The following TP63 variants were observed in gnomAD, a reference collection of about 807,000 sequenced individuals.
TP63 encodes tumor protein p63.
In TP63, 17 loss-of-function variants were observed where a neutral mutation model predicts 82.8. That is an observed-to-expected ratio of 0.21 (90% confidence interval 0.14 to 0.31). TP63 has a LOEUF of 0.31. TP63 is among the 10% of genes least tolerant of loss of function. TP63 has a pLI of 1.00. For synonymous variants in TP63, 330 were observed against 321.7 expected, an observed-to-expected ratio of 1.03 and a Z score of -0.28; for missense variants, 648 against 895.3, an observed-to-expected ratio of 0.72 and a Z score of 3.52.
At chr3:189,823,946 A>G (rs1037548058) in intron 4 of TP63, among the ~76,000 whole-genome samples, 1 of 152,256 alleles carries the variant, frequency 6.6e-6, no homozygotes, top group East Asian at 1.9e-4. Flanking sequence ...TGGTTCAGTG[A>G]GATAACTCTT....
At chr3:189,785,314 A>G (rs1724513687) in intron 3 of TP63, among the ~76,000 whole-genome samples, 1 of 152,054 alleles carries the variant, frequency 6.6e-6, no homozygotes, top group African/African-American at 2.4e-5. Context: ...AGAATTATAG[A>G]ACTGTTTAAT....
chr3:189,620,992 G>A, the TP63 span, among the ~76,000 whole-genome samples: 1 of 152,118 alleles, frequency 6.6e-6, no homozygotes, highest in Non-Finnish European at 1.5e-5. Flanking sequence ...GAAAGAAAAT[G>A]GCTTTCACCT....
chr3:189,654,480 G>A (rs1713160963), intron 1 of TP63, among the ~76,000 whole-genome samples: 1 of 152,066 alleles, frequency 6.6e-6, no homozygotes, highest in Admixed American at 6.5e-5. Context: ...TTTTACTAAG[G>A]AGTAAAAAAT....
At chr3:189,856,134 A>C (rs1716264768) in intron 4 of TP63, among the ~76,000 whole-genome samples, 1 of 151,824 alleles carries the variant, frequency 6.6e-6, no homozygotes, top group Non-Finnish European at 1.5e-5. Flanking sequence ...ACATAGAGAT[A>C]TAAGGTAACC....
At chr3:189,817,686 A>T (rs1229501763) in intron 4 of TP63, among the ~76,000 whole-genome samples, 4 of 152,114 alleles carry the variant, frequency 2.6e-5, no homozygotes, top group Non-Finnish European at 4.4e-5. Flanking sequence ...ATAAAATAAC[A>T]TAAATATATA....
intron 4 of TP63, among the ~76,000 whole-genome samples, chr3:189,843,612 TCTGC>T (rs575687889): frequency 2.0e-5 from 3 of 152,340 alleles, no homozygotes; most frequent in African/African-American, 7.2e-5. Flanking sequence ...GGGATCTGCG[TCTGC>T]CTGATCATTG....
At chr3:189,771,333 A>ATATATTATATATTTATATATAG (rs1491284526) in intron 3 of TP63, among the ~76,000 whole-genome samples, 1 of 123,552 alleles carries the variant, frequency 8.1e-6, no homozygotes, top group Admixed American at 8.5e-5. Flanking sequence ...TTTATATATA[A>ATATATTATATATTTATATATAG]TATATATTTA....
intron 1 of TP63, among the ~76,000 whole-genome samples, chr3:189,719,314 A>C (rs573021319): frequency 6.6e-6 from 1 of 152,306 alleles, no homozygotes; most frequent in South Asian, 2.1e-4. Flanking sequence ...ACTTGTCCTT[A>C]GTTATAAGCT....
chr3:189,754,961 C>CTT (rs143354969), intron 3 of TP63, among the ~76,000 whole-genome samples: 1 of 151,684 alleles, frequency 6.6e-6, no homozygotes, highest in East Asian at 1.9e-4. Flanking sequence ...AAGGCTGCTG[C>CTT]TTTTTTTTAG....
chr3:189,736,749 C>T (rs960682922), intron 1 of TP63, among the ~76,000 whole-genome samples: 1 of 151,844 alleles, frequency 6.6e-6, no homozygotes, highest in Admixed American at 6.6e-5. Context: ...TTATCTTCTA[C>T]TGTATTACTA....
rs35520871 is a variant in TP63 at position 189,686,731 on chromosome 3, G to GTTT, written c.63-50994_63-50992dup. Among the ~76,000 whole-genome samples, 610 of 114,242 alleles carry GTTT rather than the reference G, an allele frequency of 5.3e-3. 5 individuals are homozygous for GTTT. Among genetic ancestry groups the GTTT allele is most frequent in the Non-Finnish European group, 8.2e-3 (471 of 57,198 alleles). 74.9% of individuals were successfully genotyped at this position (114,242 alleles called of 152,430 possible). A position where few individuals can be genotyped will look rare whatever the true frequency, so the allele number is the denominator to read the frequency against. On this transcript the variant is annotated intron_variant, in intron 1 of 13. Transcript: ENST00000264731. ...TCAGGGGGTGGGGGGCAGGGGCAGG[G>GTTT]TTTTTTTTTTTTTTTTTGAGACAGA...
At chr3:189,722,359 G>A (rs764193989) in intron 1 of TP63, among the ~76,000 whole-genome samples, 1 of 152,210 alleles carries the variant, frequency 6.6e-6, no homozygotes, top group African/African-American at 2.4e-5. Context: ...GGATAAGCGC[G>A]TCTTTAGTGT....
chr3:189,641,809 A>G (rs950535944), intron 1 of TP63, among the ~76,000 whole-genome samples: 3 of 152,210 alleles, frequency 2.0e-5, no homozygotes, highest in Non-Finnish European at 2.9e-5. Flanking sequence ...TACATGTTCA[A>G]TCTAAACAAG....
chr3:189,832,579 G>A lies in TP63; in HGVS notation c.579+24053G>A, dbSNP rs111378486. Among the ~76,000 whole-genome samples, 18 of 152,222 alleles carry A rather than the reference G, an allele frequency of 1.2e-4. 1 individual carries two copies. The East Asian group carries it at 1.5e-3, about 13-fold the overall frequency. On this transcript the variant is annotated intron_variant, in intron 4 of 13. Coordinates refer to ENST00000264731, the MANE Select transcript of TP63 (RefSeq NM_003722.5). ...TTGACATAAATTTTAACCTCTGGCC[G>A]CATAGTCAGTTATGCTTATTATCTT...
At chr3:189,786,889 C>T in intron 3 of TP63, among the ~76,000 whole-genome samples, 1 of 152,004 alleles carries the variant, frequency 6.6e-6, no homozygotes, top group East Asian at 1.9e-4. Flanking sequence ...TGTTACTAAA[C>T]ATTTAGTACA....
intron 3 of TP63, among the ~76,000 whole-genome samples, chr3:189,779,257 C>T (rs1724047981): frequency 1.3e-5 from 2 of 152,154 alleles, no homozygotes; most frequent in South Asian, 2.1e-4. Context: ...ATTACAAAAT[C>T]GTCTAGTTCA....
intron 4 of TP63, among the ~76,000 whole-genome samples, chr3:189,814,890 G>A (rs1236165349): frequency 6.6e-6 from 1 of 152,170 alleles, no homozygotes; most frequent in Non-Finnish European, 1.5e-5. Flanking sequence ...CTGCACCGTG[G>A]AGTGTCTATT....
Position 189,789,729 on chromosome 3 carries a change from C to CAG in TP63, c.325-18543_325-18542insAG, listed in dbSNP as rs34201045. The CAG allele has an allele frequency of 0.082, 121,164 of 1,482,242 alleles. 5,607 individuals carry two copies. Among genetic ancestry groups the CAG allele is most frequent in the Admixed American group, 0.16 (7,135 of 44,958 alleles). 91.8% of individuals were successfully genotyped at this position (1,482,242 alleles called of 1,614,324 possible). On this transcript the variant is annotated intron_variant, in intron 3 of 13. Transcript: ENST00000264731. ...AAGTAGATTCATATTGTAAGGGTCT[C>CAG]GGGGTGGGGGGGTTGGCAAAATCCT...
intron 1 of TP63, among the ~76,000 whole-genome samples, chr3:189,706,877 A>G (rs1240328252): frequency 6.6e-6 from 1 of 152,040 alleles, no homozygotes; most frequent in African/African-American, 2.4e-5. Flanking sequence ...GTCCAAATAG[A>G]CAATCCAAAT....
Sources: allele counts gnomAD v4.1 joint callset (sites outside exome capture counted in the v4.1 genomes callset), GRCh38; gene constraint gnomAD v4.1.1; transcripts MANE v1.5; gene names NCBI Gene and HGNC (gene_info 2026-07-23, HGNC 2026-07-21).